Variants in NCEH1 observed in about 807,000 individuals in gnomAD.
NCEH1 encodes neutral cholesterol ester hydrolase 1.
NCEH1 carries 9 observed loss-of-function variants against 25.4 expected under a neutral mutation model. The observed-to-expected ratio is 0.35, with a 90% CI of 0.21 to 0.62. The LOEUF (loss-of-function observed/expected upper bound fraction) is 0.62, where lower values mean the gene tolerates loss of function less well. Among genes scored for constraint, NCEH1 ranks in the 20% least tolerant of loss-of-function variants. The pLI is 0.72. For missense variants in NCEH1, 412 were observed against 501.1 expected (o/e 0.82, Z 1.70); for synonymous variants, 200 against 199.8 (o/e 1.00, Z -0.01).
chr3:172,646,992 A>G (rs956954295), intron 2 of NCEH1, among the ~76,000 whole-genome samples: 1 of 152,194 alleles, frequency 6.6e-6, no homozygotes, highest in Non-Finnish European at 1.5e-5. Context: ...GGGCAAACCT[A>G]CATACTCATG....
chr3:172,662,838 T>C (rs1242054590), intron 1 of NCEH1, among the ~76,000 whole-genome samples: 1 of 138,804 alleles, frequency 7.2e-6, no homozygotes, highest in Non-Finnish European at 1.5e-5. Context: ...TTATTGCATC[T>C]ATTTGATTCT....
chr3:172,709,307 CCT>C (rs1714176573), intron 1 of NCEH1, among the ~76,000 whole-genome samples: 1 of 152,192 alleles, frequency 6.6e-6, no homozygotes, highest in South Asian at 2.1e-4. Context: ...TTCCTGTTTT[CCT>C]CTGTTTAAGT....
intron 1 of NCEH1, among the ~76,000 whole-genome samples, chr3:172,695,102 A>T (rs1335594308): frequency 6.6e-6 from 1 of 152,218 alleles, no homozygotes; most frequent in Non-Finnish European, 1.5e-5. Context: ...CCTATGTTTC[A>T]TAACTTCAGA....
intron 1 of NCEH1, among the ~76,000 whole-genome samples, chr3:172,675,383 A>T (rs1030327101): frequency 2.0e-5 from 3 of 151,984 alleles, no homozygotes; most frequent in African/African-American, 7.3e-5. Flanking sequence ...AACATGGCTC[A>T]TGTATACCTA....
Position 172,635,920 on chromosome 3 carries a change from T to C in NCEH1, c.605A>G (p.Gln202Arg). 1 of 1,614,132 alleles carries C rather than the reference T, an allele frequency of 6.2e-7. No homozygotes were observed. Among genetic ancestry groups the C allele is most frequent in the East Asian group, 2.2e-5 (1 of 44,886 alleles). The change falls in exon 4 of 5, where the codon CAA becomes CGA. Residue 202 changes from glutamine to arginine, a missense_variant. Coordinates refer to ENST00000475381, the MANE Select transcript of NCEH1 (RefSeq NM_020792.6). ...ACCTTAGGACAGTGGTGTTACCTGT[T>C]GTCCAAGGGCAGCAGCCAGATTTCC... ...AGGNLAAALG[Q>R]QFTQDASLKN... is the part of the protein sequence containing the mutation.
At chr3:172,664,633 A>T (rs970139953) in intron 1 of NCEH1, among the ~76,000 whole-genome samples, 1 of 152,124 alleles carries the variant, frequency 6.6e-6, no homozygotes, top group South Asian at 2.1e-4. Context: ...ACATAGTCCC[A>T]TATTTCTTGG....
intron 1 of NCEH1, among the ~76,000 whole-genome samples, chr3:172,696,591 C>T (rs1713388591): frequency 6.6e-6 from 1 of 152,182 alleles, no homozygotes; most frequent in South Asian, 2.1e-4. Flanking sequence ...AGTAAACAAA[C>T]CCTTGGGTTA....
chr3:172,694,896 C>G (rs1381832322), intron 1 of NCEH1, among the ~76,000 whole-genome samples: 1 of 152,198 alleles, frequency 6.6e-6, no homozygotes, highest in Admixed American at 6.5e-5. Flanking sequence ...GACCTGCCAA[C>G]AAATTTCTCC....
intron 1 of NCEH1, among the ~76,000 whole-genome samples, chr3:172,677,897 C>T (rs914254228): frequency 2.0e-5 from 3 of 152,228 alleles, no homozygotes; most frequent in African/African-American, 7.2e-5. Flanking sequence ...CACTGCACTC[C>T]AGCCTGGGCG....
intron 1 of NCEH1, among the ~76,000 whole-genome samples, chr3:172,685,185 T>C (rs1712629283): frequency 2.6e-5 from 4 of 151,080 alleles, no homozygotes; most frequent in Admixed American, 2.6e-4. Context: ...TCCCAGCTAC[T>C]TGGGAGGCTG....
At position 172,653,750 on chromosome 3, in the gene NCEH1, T is replaced by TG. The variant is rs1464579499; in HGVS notation, c.139-5637_139-5636insC. On this transcript the variant is annotated intron_variant, in intron 1 of 4. Transcript: ENST00000475381. ...TTGTTGTTCTGTTTTTTTTGTTTTT[T>TG]TGTTTTTTTGTTTTTTTTTTTTTTT... Among the ~76,000 whole-genome samples, 82 of 70,132 alleles carry TG rather than the reference T, an allele frequency of 1.2e-3. 1 individual carries two copies. The Middle Eastern group carries it at 0.024, about 21-fold the overall frequency. The allele number at this position is 70,132 out of a possible 152,430, so 46.0% of individuals were successfully genotyped here.
At position 172,642,601 on chromosome 3, in the gene NCEH1, T is replaced by TAAA. The variant is rs1411772207; in HGVS notation, c.437+3021_437+3022insTTT. ...ACAAGGATTACTATCTTGCTATTTC[T>TAAA]ACAAAAAAAAAAAAAAAAAAAAAGA... On this transcript the variant is annotated intron_variant, in intron 3 of 4. Transcript: ENST00000475381. Among the ~76,000 whole-genome samples, 7 of 39,136 alleles carry TAAA rather than the reference T, an allele frequency of 1.8e-4. No individual in the cohort carries two copies. The East Asian group carries it at 2.2e-3, about 12-fold the overall frequency. The allele number at this position is 39,136 out of a possible 152,430, so 25.7% of individuals were successfully genotyped here. A position where few individuals can be genotyped will look rare whatever the true frequency, so the allele number is the denominator to read the frequency against.
chr3:172,653,756 T>TTTTTTTTTG (rs746384086), intron 1 of NCEH1, among the ~76,000 whole-genome samples: 1,352 of 96,836 alleles, frequency 0.014, 44 homozygotes, highest in African/African-American at 0.065. Flanking sequence ...TTTTTTGTTT[T>TTTTTTTTTG]TTTGTTTTTT....
rs1033975390 is a variant in NCEH1, at chr3:172,631,300, A to C, written c.*2175T>G. On this transcript the variant is annotated 3_prime_UTR_variant, in exon 5 of 5. Coordinates refer to ENST00000475381, the MANE Select transcript of NCEH1 (RefSeq NM_020792.6). ...CAGACAACCTCAAAATAAGGTCCAA[A>C]TATTGGTTCCTTCAAATGGTGTCAA... 3 of 152,230 alleles carry C rather than the reference A, an allele frequency of 2.0e-5. No homozygotes were observed. Among genetic ancestry groups the C allele is most frequent in the African/African-American group, 7.2e-5 (3 of 41,446 alleles). The allele number at this position is 152,230 out of a possible 1,614,324, so 9.4% of individuals were successfully genotyped here.
chr3:172,653,765 T>TTTTTTTTTTTTG (rs1717556500), intron 1 of NCEH1, among the ~76,000 whole-genome samples: 1 of 134,382 alleles, frequency 7.4e-6, no homozygotes, highest in African/African-American at 3.0e-5. Context: ...TTTTTGTTTT[T>TTTTTTTTTTTTG]TTTTTTTTTT....
intron 1 of NCEH1, among the ~76,000 whole-genome samples, chr3:172,660,656 A>T (rs1041542603): frequency 1.3e-5 from 2 of 152,124 alleles, no homozygotes; most frequent in African/African-American, 4.8e-5. Context: ...TGACTTTGTG[A>T]TGATTGCCAT....
At chr3:172,678,108 G>T (rs1291717927) in intron 1 of NCEH1, among the ~76,000 whole-genome samples, 3 of 152,168 alleles carry the variant, frequency 2.0e-5, no homozygotes, top group Non-Finnish European at 4.4e-5. Context: ...TAAAAATCAG[G>T]GTAGGGAGGG....
At chr3:172,677,265 ACAT>A (rs1386120960) in intron 1 of NCEH1, among the ~76,000 whole-genome samples, 2 of 152,238 alleles carry the variant, frequency 1.3e-5, no homozygotes, top group Non-Finnish European at 2.9e-5. Flanking sequence ...GGCAAATTAG[ACAT>A]CATCTTTGAA....
At chr3:172,649,213 G>A (rs1717276116) in intron 1 of NCEH1, among the ~76,000 whole-genome samples, 2 of 152,074 alleles carry the variant, frequency 1.3e-5, no homozygotes, top group African/African-American at 4.8e-5. Flanking sequence ...ATAACTGTGT[G>A]TGTATATTTT....
Sources: allele counts gnomAD v4.1 joint callset (sites outside exome capture counted in the v4.1 genomes callset), GRCh38; gene constraint gnomAD v4.1.1; transcripts MANE v1.5; gene names NCBI Gene and HGNC (gene_info 2026-07-23, HGNC 2026-07-21).